ZNF385D: variants seen among roughly 807,000 people sequenced by gnomAD.
ZNF385D encodes the protein zinc finger protein 659.
A neutral mutation model predicts 35.8 loss-of-function variants in ZNF385D; 15 were observed. The ratio of observed to expected loss-of-function variants is 0.42; its 90% confidence interval spans 0.28 to 0.64. ZNF385D has a LOEUF of 0.64. Among genes scored for constraint, ZNF385D ranks in the 30% least tolerant of loss-of-function variants. ZNF385D has a pLI of 0.23. For missense variants in ZNF385D, 474 were observed against 494.6 expected (o/e 0.96, Z 0.39); for synonymous variants, 212 against 186.8 (o/e 1.13, Z -1.10).
chr3:22,045,187 A>G (rs551825741), intron 3 of ZNF385D, among the ~76,000 whole-genome samples: 15 of 152,120 alleles, frequency 9.9e-5, no homozygotes, highest in African/African-American at 2.6e-4. Flanking sequence ...GCCCAAACCA[A>G]TATCATGGGG....
chr3:21,525,808 G>A (rs1377783376), intron 3 of ZNF385D, among the ~76,000 whole-genome samples: 6 of 151,468 alleles, frequency 4.0e-5, no homozygotes, highest in African/African-American at 1.5e-4. Context: ...CATGGTCAAA[G>A]CTAGTTAAAA....
intron 4 of ZNF385D, among the ~76,000 whole-genome samples, chr3:21,505,392 A>G (rs1706699255): frequency 6.6e-6 from 1 of 152,168 alleles, no homozygotes; most frequent in Non-Finnish European, 1.5e-5. Flanking sequence ...CTTTGTGGCA[A>G]TAAGATACAA....
chr3:21,531,062 A>ATGAT (rs1431689790), intron 3 of ZNF385D, among the ~76,000 whole-genome samples: 1 of 152,204 alleles, frequency 6.6e-6, no homozygotes, highest in Non-Finnish European at 1.5e-5. Context: ...TTCATAATAC[A>ATGAT]TGATAGCTAT....
At chr3:21,684,443 T>C (rs2067038936) in intron 1 of ZNF385D, among the ~76,000 whole-genome samples, 1 of 144,894 alleles carries the variant, frequency 6.9e-6, no homozygotes, top group African/African-American at 2.6e-5. Context: ...TCTCTCTCTT[T>C]CTTTCTTTCG....
rs139940495 is a variant in ZNF385D, at chr3:21,510,920, G to A, written c.380C>T (p.Ala127Val). The stretch of plus-strand genomic sequence containing the variant: ...AGTGATGGAGGTGAAGGTAGTCTTT[G>A]CGCTGTCCTTGGCAGTTACAGATTT... ...KQKSVTAKDS[A>V]KTTFTSITTN... The change falls in exon 4 of 8, where the codon GCA becomes GTA. Residue 127 changes from alanine (A) to valine (V), a missense_variant. By Grantham distance (64) the Ala-to-Val change is moderately conservative. Transcript: ENST00000281523. 5.8e-5 allele frequency: 94 copies of A among 1,614,132 alleles called. No homozygotes were observed. In the African/African-American group the frequency reaches 1.1e-3, roughly 20 times the overall value.
intron 3 of ZNF385D, among the ~76,000 whole-genome samples, chr3:22,002,951 A>G (rs1014108585): frequency 6.6e-6 from 1 of 152,082 alleles, no homozygotes; most frequent in Non-Finnish European, 1.5e-5. Context: ...ATATATGACT[A>G]ACTAACAGCT....
intron 1 of ZNF385D, among the ~76,000 whole-genome samples, chr3:21,703,483 C>T (rs1286377576): frequency 6.6e-6 from 1 of 152,122 alleles, no homozygotes; most frequent in Non-Finnish European, 1.5e-5. Context: ...GGATATTGTG[C>T]AATCCCTTGG....
At chr3:22,096,778 G>C (rs1701658229) in intron 3 of ZNF385D, among the ~76,000 whole-genome samples, 1 of 152,044 alleles carries the variant, frequency 6.6e-6, no homozygotes, top group African/African-American at 2.4e-5. Context: ...AAAATGACTA[G>C]TATTGATATC....
intron 3 of ZNF385D, among the ~76,000 whole-genome samples, chr3:21,955,263 G>C (rs1162387199): frequency 6.6e-6 from 1 of 152,122 alleles, no homozygotes; most frequent in Admixed American, 6.6e-5. Flanking sequence ...ATGGCTGGAG[G>C]AAGCAGGTGA....
intron 3 of ZNF385D, among the ~76,000 whole-genome samples, chr3:22,047,832 C>T (rs1232619983): frequency 6.6e-6 from 1 of 152,060 alleles, no homozygotes; most frequent in Non-Finnish European, 1.5e-5. Flanking sequence ...TACTGTTTTC[C>T]ATAATGGCTG....
intron 2 of ZNF385D, among the ~76,000 whole-genome samples, chr3:21,580,332 A>AGTAGT (rs1289316869): frequency 6.6e-6 from 1 of 152,204 alleles, no homozygotes; most frequent in African/African-American, 2.4e-5. Context: ...ACTTGAAATA[A>AGTAGT]GTAGTGTACC....
At chr3:21,705,212 G>T (rs982153326) in intron 1 of ZNF385D, among the ~76,000 whole-genome samples, 1 of 152,102 alleles carries the variant, frequency 6.6e-6, no homozygotes, top group Non-Finnish European at 1.5e-5. Context: ...AATGCAGCTG[G>T]CATGCTATCA....
chr3:21,725,012 C>T lies in ZNF385D; in HGVS notation c.22+25883G>A, dbSNP rs116641505. 8.6e-3 allele frequency among the ~76,000 whole-genome samples: 1,310 copies of T among 152,190 alleles called. 20 individuals carry two copies. The highest frequency in any genetic ancestry group is 0.011 in the Non-Finnish European group (724 of 68,006). ...AGACCACAGTGCAATCAAATTAGTA[C>T]GCAGGATTAAGAAACTCACTCAAAA... is the stretch of plus-strand genomic sequence containing the variant. On this transcript the variant is annotated intron_variant, in intron 1 of 7. Coordinates refer to ENST00000281523, the MANE Select transcript of ZNF385D (RefSeq NM_024697.3).
chr3:22,181,519 A>T, intron 2 of ZNF385D, among the ~76,000 whole-genome samples: 1 of 151,218 alleles, frequency 6.6e-6, no homozygotes, highest in Non-Finnish European at 1.5e-5. Context: ...ACACGGTGAA[A>T]CCCCCTCTCT....
In ZNF385D at chr3:21,843,423, C is replaced by T. The variant is rs78562995; in HGVS notation, c.326-178395G>A. On this transcript the variant is annotated intron_variant, in intron 3 of 5. Coordinates refer to the ZNF385D transcript ENST00000494108. ...GATATGTTTCAGCCTAAGAGAAATG[C>T]GAGCCTGTTGTCCACTTTAGAAAAG... is the stretch of plus-strand genomic sequence containing the variant. Among the ~76,000 whole-genome samples, 32 of 152,000 alleles carry T rather than the reference C, an allele frequency of 2.1e-4. No individual in the cohort carries two copies. In the East Asian group the frequency reaches 4.3e-3, roughly 20 times the overall value.
At chr3:22,170,759 G>C (rs1016289123) in intron 2 of ZNF385D, among the ~76,000 whole-genome samples, 1 of 151,974 alleles carries the variant, frequency 6.6e-6, no homozygotes, top group Non-Finnish European at 1.5e-5. Flanking sequence ...GTTATAATCA[G>C]AACATTTCAA....
intron 4 of ZNF385D, among the ~76,000 whole-genome samples, chr3:21,468,231 A>C (rs886215411): frequency 6.6e-6 from 1 of 150,484 alleles, no homozygotes; most frequent in Non-Finnish European, 1.5e-5. Flanking sequence ...GGTGAAACCC[A>C]TCTCTACTAA....
At chr3:22,217,862 C>T (rs894699455) in intron 2 of ZNF385D, among the ~76,000 whole-genome samples, 2 of 152,102 alleles carry the variant, frequency 1.3e-5, no homozygotes, top group Non-Finnish European at 2.9e-5. Context: ...CCACCTCTAA[C>T]TGCACAATCT....
In ZNF385D at chr3:21,872,675, A is replaced by T. The variant is rs555383137; in HGVS notation, c.326-207647T>A. Among the ~76,000 whole-genome samples the T allele has an allele frequency of 1.1e-4, 17 of 152,248 alleles. 1 individual carries two copies. Among genetic ancestry groups the T allele is most frequent in the Admixed American group, 7.9e-4 (12 of 15,276 alleles). On this transcript the variant is annotated intron_variant, in intron 3 of 5. Coordinates refer to the ZNF385D transcript ENST00000494108. ...AATGGTTGCCATTTACAATGTGGCA[A>T]AATGGCCTGAAAGAAATAGAGTTTG...
Sources: allele counts gnomAD v4.1 joint callset (sites outside exome capture counted in the v4.1 genomes callset), GRCh38; gene constraint gnomAD v4.1.1; transcripts MANE v1.5; gene names NCBI Gene and HGNC (gene_info 2026-07-23, HGNC 2026-07-21).